WWTR1: variants seen among roughly 807,000 people sequenced by gnomAD.
The protein encoded by WWTR1 is WW domain containing transcription regulator 1, also known as WW domain-containing transcription regulator protein 1.
WWTR1 carries 13 observed loss-of-function variants against 40.1 expected under a neutral mutation model. The observed-to-expected ratio is 0.32, with a 90% CI of 0.21 to 0.52. The LOEUF (loss-of-function observed/expected upper bound fraction) is 0.52, where lower values mean the gene tolerates loss of function less well. Ranked by LOEUF, WWTR1 falls within the 20% of genes least tolerant of loss-of-function variation. WWTR1 has a pLI of 0.97. For synonymous variants in WWTR1, 230 were observed against 210.1 expected (o/e 1.09, Z -0.82); for missense variants, 436 against 523.1 (o/e 0.83, Z 1.63).
At chr3:149,596,912 G>A (rs1003784277) in intron 2 of WWTR1, among the ~76,000 whole-genome samples, 1 of 152,010 alleles carries the variant, frequency 6.6e-6, no homozygotes, top group African/African-American at 2.4e-5. Context: ...TAATCTCTTG[G>A]TGCCTCCATT....
rs1180491487 is a variant in WWTR1 at position 149,593,973 on chromosome 3, G to T, written c.432-20973C>A. ...CTGGATGTTAGAGTAGGTACCCTTGGGGAATCTGGAAGGGGCGCTTTTTGG... is the reference window on the plus strand; with the variant it reads ...CTGGATGTTAGAGTAGGTACCCTTGTGGAATCTGGAAGGGGCGCTTTTTGG... On this transcript the variant is annotated intron_variant, in intron 2 of 6. Transcript: ENST00000360632. Among the ~76,000 whole-genome samples, 5 of 152,222 alleles carry T rather than the reference G, an allele frequency of 3.3e-5. No homozygotes were observed. In the East Asian group the frequency reaches 7.7e-4, roughly 23 times the overall value.
intron 2 of WWTR1, among the ~76,000 whole-genome samples, chr3:149,639,270 A>G (rs772791572): frequency 5.4e-4 from 82 of 152,332 alleles, no homozygotes; most frequent in Admixed American, 1.4e-3. Flanking sequence ...TGGTGCAATC[A>G]TAGTTCACTG....
rs1339816163 is a variant in WWTR1, at chr3:149,657,167, A to T, written c.140T>A (p.Ile47Asn). The T allele has an allele frequency of 1.2e-6, 2 of 1,608,436 alleles. No individual in the cohort carries two copies. Among genetic ancestry groups the T allele is most frequent in the Non-Finnish European group, 1.7e-6 (2 of 1,177,954 alleles). The change falls in exon 2 of 7, where the codon ATC becomes AAC. Residue 47 changes from isoleucine to asparagine, a missense_variant. By Grantham distance (149) the Ile-to-Asn change is moderately radical. Coordinates refer to ENST00000360632, the MANE Select transcript of WWTR1 (RefSeq NM_015472.6). ...CTCCTTAAAGAAAGACTCCGGCAGG[A>T]TCTTCTTCCGCCACGAGCTAGGCTT... ...NPKPSSWRKK[I>N]LPESFFKEPD...
chr3:149,678,444 C>T (rs1190911364), intron 1 of WWTR1, among the ~76,000 whole-genome samples: 1 of 152,144 alleles, frequency 6.6e-6, no homozygotes, highest in African/African-American at 2.4e-5. Flanking sequence ...GTAGTACATT[C>T]TGCTTAATTG....
intron 2 of WWTR1, among the ~76,000 whole-genome samples, chr3:149,640,010 A>AAAGAAAGAAAG (rs1311464193): frequency 1.5e-4 from 21 of 140,398 alleles, no homozygotes; most frequent in African/African-American, 6.5e-4. Context: ...AAAAAAAAAA[A>AAAGAAAGAAAG]AAAGAAAGAA....
At chr3:149,573,099 T>C (rs1737723368) in intron 2 of WWTR1, 99 bp from the exon 3 acceptor site, 1 of 1,274,578 alleles carries the variant, frequency 7.8e-7, no homozygotes. Flanking sequence ...ATTCTTCCCT[T>C]AGGATCTGCT....
chr3:149,703,597 C>T (rs931740901), upstream of WWTR1, among the ~76,000 whole-genome samples: 1 of 152,114 alleles, frequency 6.6e-6, no homozygotes, highest in Non-Finnish European at 1.5e-5. Context: ...TGTTTATACC[C>T]TCCAAGTCTC....
At chr3:149,684,099 A>G (rs549458842) in intron 1 of WWTR1, among the ~76,000 whole-genome samples, 1 of 152,326 alleles carries the variant, frequency 6.6e-6, no homozygotes, top group African/African-American at 2.4e-5. Flanking sequence ...TGTTTGAAAA[A>G]TATGGGGGGT....
chr3:149,719,748 A>G (rs1715712355), intron 4 of WWTR1, among the ~76,000 whole-genome samples: 1 of 152,078 alleles, frequency 6.6e-6, no homozygotes, highest in Non-Finnish European at 1.5e-5. Context: ...CAAAGATTCT[A>G]TTTTCTCCAC....
intron 2 of WWTR1, among the ~76,000 whole-genome samples, chr3:149,605,080 C>G (rs182687498): frequency 3.9e-5 from 6 of 152,178 alleles, no homozygotes; most frequent in Admixed American, 3.9e-4. Flanking sequence ...GTCCAGAGGC[C>G]GGAGACAGCA....
intron 3 of WWTR1, among the ~76,000 whole-genome samples, chr3:149,558,993 C>T (rs900984052): frequency 6.6e-6 from 1 of 152,014 alleles, no homozygotes; most frequent in African/African-American, 2.4e-5. Flanking sequence ...CTACACTGTG[C>T]TTATATAAGA....
intron 2 of WWTR1, among the ~76,000 whole-genome samples, chr3:149,669,199 A>C (rs1463544952): frequency 6.6e-6 from 1 of 152,218 alleles, no homozygotes; most frequent in African/African-American, 2.4e-5. Flanking sequence ...CACATATACA[A>C]GAACAATACA....
At chr3:149,571,997 C>G (rs879636498) in intron 3 of WWTR1, among the ~76,000 whole-genome samples, 1 of 152,108 alleles carries the variant, frequency 6.6e-6, no homozygotes, top group South Asian at 2.1e-4. Flanking sequence ...ATTCTCTTCT[C>G]AAGTCTAAAA....
chr3:149,649,595 G>C (rs763385478), intron 2 of WWTR1, among the ~76,000 whole-genome samples: 21 of 152,154 alleles, frequency 1.4e-4, no homozygotes, highest in Non-Finnish European at 3.1e-4. Flanking sequence ...AGGAAAGAGA[G>C]CATGCAAGTA....
chr3:149,689,955 G>A (rs1303747459), intron 1 of WWTR1, among the ~76,000 whole-genome samples: 2 of 152,104 alleles, frequency 1.3e-5, no homozygotes, highest in Non-Finnish European at 2.9e-5. Context: ...GAAACCACAA[G>A]GAGTTAAAAG....
rs577855833 is a variant in WWTR1 at position 149,517,825 on chromosome 3, C to G, written c.*2980G>C. On this transcript the variant is annotated 3_prime_UTR_variant, in exon 7 of 7. Transcript: ENST00000360632. ...TTTACTTCAAGACAATGTATTTTATCAGGAAAAAATATCTTGAAAGAAAGA... is the reference window on the plus strand; with the variant it reads ...TTTACTTCAAGACAATGTATTTTATGAGGAAAAAATATCTTGAAAGAAAGA... 1 of 152,196 alleles carries G rather than the reference C, an allele frequency of 6.6e-6. No individual in the cohort carries two copies. Among genetic ancestry groups the G allele is most frequent in the Non-Finnish European group, 1.5e-5 (1 of 67,994 alleles). The allele number at this position is 152,196 out of a possible 1,614,324, so 9.4% of individuals were successfully genotyped here.
chr3:149,599,582 C>T (rs186525818), intron 2 of WWTR1, among the ~76,000 whole-genome samples: 138 of 152,348 alleles, frequency 9.1e-4, no homozygotes, highest in African/African-American at 3.2e-3. Context: ...TACCAATGCT[C>T]ATTATAACCA....
chr3:149,644,037 T>C (rs537492636), intron 2 of WWTR1, among the ~76,000 whole-genome samples: 1 of 152,264 alleles, frequency 6.6e-6, no homozygotes, highest in African/African-American at 2.4e-5. Context: ...CTACACCCCA[T>C]TTTCCTCCCT....
At chr3:149,550,744 A>T (rs1736581769) in intron 3 of WWTR1, among the ~76,000 whole-genome samples, 1 of 145,260 alleles carries the variant, frequency 6.9e-6, no homozygotes, top group African/African-American at 2.6e-5. Context: ...AATACAGGAA[A>T]AGCAAGGGTT....
Sources: allele counts gnomAD v4.1 joint callset (sites outside exome capture counted in the v4.1 genomes callset), GRCh38; gene constraint gnomAD v4.1.1; transcripts MANE v1.5; gene names NCBI Gene and HGNC (gene_info 2026-07-23, HGNC 2026-07-21).